Variants in AGBL1 observed in about 807,000 individuals in gnomAD.
AGBL1 encodes the protein cytosolic carboxypeptidase 4.
In AGBL1, 130 loss-of-function variants were observed where a neutral mutation model predicts 118.9. The ratio of observed to expected loss-of-function variants is 1.09; its 90% CI spans 0.95 to 1.26. The LOEUF (loss-of-function observed/expected upper bound fraction) is 1.26. Among genes scored for constraint, AGBL1 ranks in the 50% most tolerant of loss-of-function variants. The pLI, the probability that AGBL1 is intolerant of heterozygous loss-of-function variation, is 0.00. For missense variants in AGBL1, 1,584 were observed against 1,298.1 expected, an observed-to-expected ratio of 1.22 and a Z score of -3.38; for synonymous variants, 555 against 478.9, an observed-to-expected ratio of 1.16 and a Z score of -2.08.
intron 18 of AGBL1, among the ~76,000 whole-genome samples, chr15:86,410,823 TATA>T (rs1321176501): frequency 2.7e-5 from 3 of 111,554 alleles, no homozygotes; most frequent in South Asian, 2.5e-4. Flanking sequence ...TATATATATA[TATA>T]TATATATATA....
At chr15:86,883,010 G>T (rs2079917494) in intron 22 of AGBL1, among the ~76,000 whole-genome samples, 1 of 152,202 alleles carries the variant, frequency 6.6e-6, no homozygotes. Flanking sequence ...AGGAGTTGCA[G>T]AGTTGCTTGG....
At chr15:86,240,375 GA>G (rs1341865520) in intron 6 of AGBL1, among the ~76,000 whole-genome samples, 1 of 152,210 alleles carries the variant, frequency 6.6e-6, no homozygotes, top group East Asian at 1.9e-4. Flanking sequence ...TAGACTCCCT[GA>G]AAAGACCCCT....
chr15:86,968,146 G>A (rs2081073012), intron 23 of AGBL1, among the ~76,000 whole-genome samples: 1 of 151,820 alleles, frequency 6.6e-6, no homozygotes. Context: ...TGAACATGCA[G>A]AAAGAGGGTC....
Position 86,697,864 on chromosome 15 carries a change from T to G in AGBL1, c.3158+23428T>G, listed in dbSNP as rs188377034. Among the ~76,000 whole-genome samples the G allele has an allele frequency of 2.5e-4, 38 of 152,086 alleles. No homozygotes were observed. The East Asian group carries it at 6.6e-3, about 26-fold the overall frequency. On this transcript the variant is annotated intron_variant, in intron 22 of 22. Transcript: ENST00000614907. ...TAGTAATTGTTATTTCTCTTCTGGA[T>G]CTAGCAGATTCCTGGGATGTGAACT...
At chr15:86,445,152 A>G (rs1246662704) in intron 18 of AGBL1, among the ~76,000 whole-genome samples, 3 of 152,194 alleles carry the variant, frequency 2.0e-5, no homozygotes, top group Non-Finnish European at 4.4e-5. Context: ...GGTCAAGAAC[A>G]ATCACACTGG....
intron 23 of AGBL1, among the ~76,000 whole-genome samples, chr15:86,973,685 A>G (rs1213219132): frequency 6.6e-6 from 1 of 151,784 alleles, no homozygotes; most frequent in African/African-American, 2.4e-5. Flanking sequence ...AAGAGAAAGG[A>G]TCTTTGTGCT....
intron 22 of AGBL1, among the ~76,000 whole-genome samples, chr15:86,716,126 T>C (rs2142704859): frequency 6.6e-6 from 1 of 152,216 alleles, no homozygotes; most frequent in South Asian, 2.1e-4. Context: ...TGCTAGTCTA[T>C]TGGTAGTAAT....
At chr15:86,969,678 G>A (rs1221934585) in intron 23 of AGBL1, among the ~76,000 whole-genome samples, 1 of 151,960 alleles carries the variant, frequency 6.6e-6, no homozygotes, top group Non-Finnish European at 1.5e-5. Flanking sequence ...TATAAGGGTA[G>A]ATGTACATAT....
intron 22 of AGBL1, among the ~76,000 whole-genome samples, chr15:86,893,346 T>TA (rs879843645): frequency 6.6e-6 from 1 of 152,158 alleles, no homozygotes; most frequent in Non-Finnish European, 1.5e-5. Context: ...AAACAAGTGA[T>TA]AAAAAGAATC....
rs1221592748 is a variant in AGBL1 at position 86,636,750 on chromosome 15, T to C, written c.2995-37523T>C. On this transcript the variant is annotated intron_variant, in intron 21 of 22. Coordinates refer to ENST00000614907, the MANE Select transcript of AGBL1 (RefSeq NM_001386094.1). ...ATATATATATATATATATATATATATATATATATACACATACATACAGAAA... is the reference window on the plus strand; with the variant it reads ...ATATATATATATATATATATATATACATATATATACACATACATACAGAAA... Among the ~76,000 whole-genome samples the C allele has an allele frequency of 2.8e-3, 167 of 59,144 alleles. 9 individuals are homozygous for C. The highest frequency in any genetic ancestry group is 4.8e-3 in the African/African-American group (49 of 10,128). 38.8% of individuals were successfully genotyped at this position (59,144 alleles called of 152,430 possible).
chr15:86,290,343 C>CTTTTTTTTTTT (rs559169172), intron 16 of AGBL1, among the ~76,000 whole-genome samples: 9 of 134,330 alleles, frequency 6.7e-5, no homozygotes, highest in South Asian at 2.4e-4. Context: ...TCTTTTCTTT[C>CTTTTTTTTTTT]TTTTTTTTTT....
intron 18 of AGBL1, among the ~76,000 whole-genome samples, chr15:86,491,016 A>G (rs1292843274): frequency 6.6e-6 from 1 of 152,160 alleles, no homozygotes; most frequent in African/African-American, 2.4e-5. Context: ...CTCTTTGTCT[A>G]GCACTGTGGT....
chr15:86,801,551 CAT>C (rs1429356954), intron 22 of AGBL1, among the ~76,000 whole-genome samples: 1 of 152,076 alleles, frequency 6.6e-6, no homozygotes, highest in African/African-American at 2.4e-5. Flanking sequence ...AATGAAGTCT[CAT>C]AAAGGAAGAT....
intron 17 of AGBL1, among the ~76,000 whole-genome samples, chr15:86,345,951 C>A (rs937604189): frequency 1.3e-5 from 2 of 151,676 alleles, no homozygotes; most frequent in Non-Finnish European, 2.9e-5. Flanking sequence ...TTCATCAATT[C>A]TCTCTTTTCT....
At chr15:86,779,934 C>T (rs11854142) in intron 22 of AGBL1, among the ~76,000 whole-genome samples, 41 of 151,546 alleles carry the variant, frequency 2.7e-4, no homozygotes, top group Non-Finnish European at 3.8e-4. Context: ...CACACACACA[C>T]ACACACACCC....
At chr15:86,809,317 G>A (rs1319534540) in intron 22 of AGBL1, among the ~76,000 whole-genome samples, 3 of 151,996 alleles carry the variant, frequency 2.0e-5, no homozygotes, top group Admixed American at 2.0e-4. Flanking sequence ...CAAATATGAG[G>A]TTAGGAAAGT....
At chr15:86,175,763 A>G (rs184220745) in intron 5 of AGBL1, among the ~76,000 whole-genome samples, 41 of 152,292 alleles carry the variant, frequency 2.7e-4, no homozygotes, top group Middle Eastern at 3.4e-3. Context: ...CTCAATGGCC[A>G]TTCAAGAGCA....
At chr15:86,472,532 T>A (rs1377290480) in intron 18 of AGBL1, among the ~76,000 whole-genome samples, 4 of 152,212 alleles carry the variant, frequency 2.6e-5, no homozygotes, top group Admixed American at 6.5e-5. Flanking sequence ...AGACCAGTAT[T>A]ACAGTATGTT....
exon 25 of AGBL1, chr15:87,029,023 C>G (rs2081761977): frequency 1.7e-6 from 1 of 580,288 alleles, no homozygotes; most frequent in East Asian, 2.9e-5. Flanking sequence ...TAAGGACAGG[C>G]AATCTTCATA....
Sources: allele counts gnomAD v4.1 joint callset (sites outside exome capture counted in the v4.1 genomes callset), GRCh38; gene constraint gnomAD v4.1.1; transcripts MANE v1.5; gene names NCBI Gene and HGNC (gene_info 2026-07-23, HGNC 2026-07-21).